CACNA2D1: variants seen among roughly 807,000 people sequenced by gnomAD.
The protein encoded by CACNA2D1 is calcium voltage-gated channel auxiliary subunit alpha2delta 1, also known as voltage-dependent calcium channel subunit alpha-2/delta-1.
CACNA2D1 carries 53 observed loss-of-function variants against 171.5 expected under a neutral mutation model. That is an observed-to-expected ratio of 0.31 (90% confidence interval 0.25 to 0.39). The LOEUF (loss-of-function observed/expected upper bound fraction) is 0.39. Ranked by LOEUF, CACNA2D1 falls within the 10% of genes least tolerant of loss-of-function variation. CACNA2D1 has a pLI of 1.00. For missense variants in CACNA2D1, 903 were observed against 1,299.8 expected (o/e 0.69, Z 4.69); for synonymous variants, 442 against 443.1 (o/e 1.00, Z 0.03).
intron 6 of CACNA2D1, among the ~76,000 whole-genome samples, chr7:82,106,457 T>C (rs1787770218): frequency 6.6e-6 from 1 of 152,180 alleles, no homozygotes; most frequent in Non-Finnish European, 1.5e-5. Context: ...TTTCCAGCTG[T>C]CAATTTATAG....
At chr7:82,148,267 A>C (rs1793375843) in intron 4 of CACNA2D1, among the ~76,000 whole-genome samples, 1 of 152,114 alleles carries the variant, frequency 6.6e-6, no homozygotes, top group African/African-American at 2.4e-5. Flanking sequence ...AGTTTCAAAA[A>C]CAGATGATTT....
rs1171062561 is a variant in CACNA2D1, at chr7:82,349,527, A to T, written c.177+41T>A. On this transcript the variant is annotated intron_variant, in intron 2 of 38. Coordinates refer to ENST00000356860, the MANE Select transcript of CACNA2D1 (RefSeq NM_000722.4). ...TAGAAGATAGAACTGCATTCGAATTAATGAAAAGATTAAGAAATCTCTTTG... is the reference window on the plus strand; with the variant it reads ...TAGAAGATAGAACTGCATTCGAATTTATGAAAAGATTAAGAAATCTCTTTG... 4.2e-6 allele frequency: 6 copies of T among 1,439,626 alleles called. No homozygotes were observed. The South Asian group carries it at 5.7e-5, about 14-fold the overall frequency. The allele number at this position is 1,439,626 out of a possible 1,614,324, so 89.2% of individuals were successfully genotyped here.
At chr7:82,249,747 T>C (rs1239591444) in intron 3 of CACNA2D1, among the ~76,000 whole-genome samples, 1 of 149,676 alleles carries the variant, frequency 6.7e-6, no homozygotes, top group African/African-American at 2.6e-5. Context: ...GTTGTGCTGA[T>C]TGGCTTAGAC....
In CACNA2D1 at chr7:81,964,379, T is replaced by C. The variant is rs1794482286; in HGVS notation, c.2575-20A>G. ...TCCAATCTGGTGAAGAAAAAAATCA[T>C]AAAGCAACGTGCACTTAAAATGTAA... On this transcript the variant is annotated intron_variant, in intron 32 of 38. Coordinates refer to ENST00000356860, the MANE Select transcript of CACNA2D1 (RefSeq NM_000722.4). 6.2e-7 allele frequency: 1 copy of C among 1,606,382 alleles called. No individual in the cohort carries two copies. Among genetic ancestry groups the C allele is most frequent in the Admixed American group, 1.7e-5 (1 of 59,680 alleles).
intron 24 of CACNA2D1, among the ~76,000 whole-genome samples, chr7:81,976,172 C>T (rs150426645): frequency 3.5e-4 from 53 of 152,194 alleles, no homozygotes; most frequent in Middle Eastern, 6.8e-3. Flanking sequence ...ATTCTGAAAT[C>T]AGGTAGCGTG....
At chr7:82,386,264 A>G (rs931845488) in intron 1 of CACNA2D1, among the ~76,000 whole-genome samples, 1 of 152,154 alleles carries the variant, frequency 6.6e-6, no homozygotes, top group Non-Finnish European at 1.5e-5. Flanking sequence ...CAGATTCTCA[A>G]CTCTTACTTT....
At chr7:82,061,137 T>C (rs1806860871) in intron 9 of CACNA2D1, among the ~76,000 whole-genome samples, 1 of 152,182 alleles carries the variant, frequency 6.6e-6, no homozygotes, top group South Asian at 2.1e-4. Flanking sequence ...TTCCTGGTTT[T>C]ATCCTTCGAG....
At chr7:82,338,802 T>G (rs561116908) in intron 2 of CACNA2D1, among the ~76,000 whole-genome samples, 2 of 152,104 alleles carry the variant, frequency 1.3e-5, no homozygotes, top group Non-Finnish European at 2.9e-5. Flanking sequence ...GACATGGAAA[T>G]TTAAGAAAGC....
intron 1 of CACNA2D1, among the ~76,000 whole-genome samples, chr7:82,390,382 T>C (rs1824969300): frequency 1.3e-5 from 2 of 152,088 alleles, no homozygotes; most frequent in Admixed American, 6.5e-5. Context: ...TATTTAAAAA[T>C]TTAAAAAAAG....
intron 38 of CACNA2D1, among the ~76,000 whole-genome samples, chr7:81,951,967 G>GTGTTTTTTTTTTTTTTTGT (rs1792580305): frequency 1.5e-4 from 4 of 27,542 alleles, no homozygotes; most frequent in African/African-American, 1.6e-4. Flanking sequence ...AGTGTACAAA[G>GTGTTTTTTTTTTTTTTTGT]TGTTTTTTTT....
intron 2 of CACNA2D1, among the ~76,000 whole-genome samples, chr7:82,340,500 T>C (rs1818501512): frequency 6.7e-6 from 1 of 149,800 alleles, no homozygotes; most frequent in African/African-American, 2.5e-5. Context: ...AGATTGATAA[T>C]AAACTTTCTG....
intron 3 of CACNA2D1, among the ~76,000 whole-genome samples, chr7:82,248,665 A>G (rs1805224353): frequency 6.6e-6 from 1 of 152,200 alleles, no homozygotes; most frequent in African/African-American, 2.4e-5. Flanking sequence ...ACAACACAGA[A>G]TGCAGCTGCA....
chr7:82,245,676 A>ACACACACACACT (rs375352045), intron 3 of CACNA2D1, among the ~76,000 whole-genome samples: 88,656 of 145,512 alleles, frequency 0.61, 27,234 homozygotes, highest in African/African-American at 0.66. Context: ...ACACACACAC[A>ACACACACACACT]CACACACACA....
intron 6 of CACNA2D1, among the ~76,000 whole-genome samples, chr7:82,105,474 G>A (rs377624458): frequency 4.4e-5 from 6 of 136,760 alleles, no homozygotes; most frequent in African/African-American, 1.6e-4. Flanking sequence ...AAATTATTCT[G>A]GAATTAATGA....
At chr7:82,375,684 T>C (rs374805710) in intron 1 of CACNA2D1, among the ~76,000 whole-genome samples, 2 of 152,344 alleles carry the variant, frequency 1.3e-5, no homozygotes, top group Admixed American at 6.5e-5. Context: ...TTCTCCTCCA[T>C]AAAGAAGTAG....
intron 3 of CACNA2D1, among the ~76,000 whole-genome samples, chr7:82,189,229 T>C (rs914735019): frequency 2.0e-5 from 3 of 151,926 alleles, no homozygotes; most frequent in African/African-American, 7.2e-5. Flanking sequence ...ATGATGAAAA[T>C]GGTATTTGGG....
chr7:81,987,006 A>G (rs1327288207), intron 21 of CACNA2D1, among the ~76,000 whole-genome samples: 1 of 152,188 alleles, frequency 6.6e-6, no homozygotes, highest in Non-Finnish European at 1.5e-5. Flanking sequence ...TACAACTGCT[A>G]AAGTGTCACT....
intron 6 of CACNA2D1, 66 bp downstream of exon 6, chr7:82,116,978 A>G (rs542353282): frequency 6.4e-7 from 1 of 1,567,218 alleles, no homozygotes; most frequent in South Asian, 1.1e-5. Context: ...TTCCCCCTCA[A>G]ACATGGGAAA....
intron 2 of CACNA2D1, among the ~76,000 whole-genome samples, chr7:82,336,743 A>C (rs1283603904): frequency 6.6e-6 from 1 of 152,208 alleles, no homozygotes; most frequent in Non-Finnish European, 1.5e-5. Context: ...AACATTGATT[A>C]ATTGATTTGA....
Sources: gnomAD v4.1 joint callset for allele counts (sites outside exome capture counted in the v4.1 genomes callset) on GRCh38, gnomAD v4.1.1 for gene constraint, MANE v1.5 for transcripts, NCBI Gene and HGNC (gene_info 2026-07-23, HGNC 2026-07-21) for gene names.